The following NDEL1 variants were observed in gnomAD, a reference collection of about 807,000 sequenced individuals.
NDEL1 encodes the protein nudE neurodevelopment protein 1 like 1, also known as nuclear distribution protein nudE-like 1.
NDEL1 carries 9 observed loss-of-function variants against 45.7 expected under a neutral mutation model. The ratio of observed to expected loss-of-function variants is 0.20; its 90% CI spans 0.12 to 0.34. The LOEUF is 0.34. NDEL1 is among the 10% of genes least tolerant of loss of function. NDEL1 has a pLI of 1.00. For missense variants in NDEL1, 306 were observed against 406.2 expected (o/e 0.75, Z 2.12); for synonymous variants, 133 against 158.6 (o/e 0.84, Z 1.21).
chr17:8,466,299 GTATA>G (rs749754101), intron 8 of NDEL1: 1 of 151,794 alleles, frequency 6.6e-6, no homozygotes, highest in Non-Finnish European at 1.5e-5. Context: ...GTTGGTGTGT[GTATA>G]TATATATGTG....
chr17:8,418,834 TC>T (rs1597511002), intron 1 of NDEL1, among the ~76,000 whole-genome samples: 1 of 126,380 alleles, frequency 7.9e-6, no homozygotes, highest in Non-Finnish European at 1.8e-5. Context: ...TCTCTCTCTC[TC>T]TTTCTCTTTC....
At position 8,467,039 on chromosome 17, in the gene NDEL1, G is replaced by GT; in HGVS notation, c.*17dup. ...CAGTGTGTGAGTGCCTAGCCTCCAG[G>GT]TGGGGGCTCCTGCCCTCCTCCAACA... On this transcript the variant is annotated 3_prime_UTR_variant, in exon 9 of 9. Coordinates refer to ENST00000334527, the MANE Select transcript of NDEL1 (RefSeq NM_030808.5). The surrounding 1 kb of genome is among the most constrained non-coding windows in gnomAD (Gnocchi z 6.3). 1 of 1,612,170 alleles carries GT rather than the reference G, an allele frequency of 6.2e-7. No individual in the cohort carries two copies. Among genetic ancestry groups the GT allele is most frequent in the Non-Finnish European group, 8.5e-7 (1 of 1,178,444 alleles).
chr17:8,419,933 C>A (rs576154013), intron 1 of NDEL1, among the ~76,000 whole-genome samples: 17 of 152,256 alleles, frequency 1.1e-4, no homozygotes, highest in African/African-American at 3.9e-4. Context: ...AATAAAGAAG[C>A]AGATCACCCG....
At chr17:8,447,881 A>G (rs975839674) in intron 4 of NDEL1, among the ~76,000 whole-genome samples, 3 of 146,330 alleles carry the variant, frequency 2.1e-5, no homozygotes, top group African/African-American at 5.0e-5. Context: ...GGTGACAGAT[A>G]TGTACATTCA....
upstream of NDEL1, among the ~76,000 whole-genome samples, chr17:8,432,851 T>C (rs992254376): frequency 4.6e-5 from 7 of 152,160 alleles, no homozygotes; most frequent in Non-Finnish European, 1.0e-4. Context: ...CTGATGAAGG[T>C]TTCCTGGGCA....
At chr17:8,446,984 A>G in intron 4 of NDEL1, 82 bp downstream of exon 4, 1 of 1,490,658 alleles carries the variant, frequency 6.7e-7, no homozygotes, top group Non-Finnish European at 9.0e-7. Flanking sequence ...CTTCCCCTAG[A>G]TCTTAGTCCC....
Position 8,457,127 on chromosome 17 carries a change from G to T in NDEL1, c.792+2240G>T, listed in dbSNP as rs1246805946. On this transcript the variant is annotated intron_variant, in intron 7 of 8. Transcript: ENST00000334527. ...TTCGTATTGTAGCTGACTGTACGCT[G>T]CTTTCTTTTCCTAGCATTTCTGTTT... 2.0e-5 allele frequency among the ~76,000 whole-genome samples: 3 copies of T among 152,200 alleles called. No individual in the cohort carries two copies. In the East Asian group the frequency reaches 5.8e-4, roughly 29 times the overall value.
chr17:8,434,436 C>T (rs1421646860), upstream of NDEL1, among the ~76,000 whole-genome samples: 1 of 151,958 alleles, frequency 6.6e-6, no homozygotes, highest in African/African-American at 2.4e-5. Context: ...AGGCTGGTCT[C>T]GAAGTCCTGG....
chr17:8,459,376 C>A (rs1911054278), intron 7 of NDEL1, among the ~76,000 whole-genome samples: 1 of 152,118 alleles, frequency 6.6e-6, no homozygotes, highest in Non-Finnish European at 1.5e-5. Flanking sequence ...AGGTGCAAAA[C>A]AAGGGTGCCC....
downstream of NDEL1, among the ~76,000 whole-genome samples, chr17:8,473,065 A>T (rs1020581623): frequency 1.3e-5 from 2 of 152,210 alleles, no homozygotes; most frequent in African/African-American, 4.8e-5. Context: ...CCTTTTAGTT[A>T]TTAAATAGTA....
downstream of NDEL1, among the ~76,000 whole-genome samples, chr17:8,472,786 A>G (rs1001965358): frequency 6.6e-6 from 1 of 152,254 alleles, no homozygotes; most frequent in Non-Finnish European, 1.5e-5. Context: ...GCAAGGGCAG[A>G]GCGCTTATGG....
At chr17:8,461,217 A>G (rs1001607047) in intron 8 of NDEL1, 3 of 152,196 alleles carry the variant, frequency 2.0e-5, no homozygotes, top group Non-Finnish European at 4.4e-5. Flanking sequence ...ATTATGGCAC[A>G]TGTGTAAAGG....
At chr17:8,471,098 T>C (rs1296971076), downstream of NDEL1, among the ~76,000 whole-genome samples, 4 of 152,234 alleles carry the variant, frequency 2.6e-5, no homozygotes, top group Non-Finnish European at 5.9e-5. Flanking sequence ...CAGATTCCAG[T>C]GAGGCTCCAC....
chr17:8,422,744 C>CT (rs1555556063), intron 1 of NDEL1, among the ~76,000 whole-genome samples: 26 of 147,452 alleles, frequency 1.8e-4, no homozygotes, highest in East Asian at 6.1e-4. Flanking sequence ...TTTCCTTTTC[C>CT]TTTTTTTTTT....
intron 4 of NDEL1, among the ~76,000 whole-genome samples, chr17:8,447,516 T>C (rs939510815): frequency 1.3e-5 from 2 of 152,218 alleles, no homozygotes; most frequent in African/African-American, 4.8e-5. Context: ...CTCTTAACAC[T>C]TCCATACTTC....
intron 4 of NDEL1, 37 bp downstream of exon 4, chr17:8,446,939 C>T (rs769351619): frequency 1.3e-5 from 21 of 1,595,726 alleles, no homozygotes; most frequent in Non-Finnish European, 1.8e-5. Context: ...AAAAAAACCA[C>T]CTTGGTAATT....
intron 1 of NDEL1, among the ~76,000 whole-genome samples, chr17:8,428,812 T>C (rs1460861471): frequency 6.6e-6 from 1 of 152,128 alleles, no homozygotes; most frequent in Non-Finnish European, 1.5e-5. Flanking sequence ...TAGCTGGGAC[T>C]ACGGGCTCCT....
At chr17:8,443,661 C>T (rs973165743) in intron 1 of NDEL1, among the ~76,000 whole-genome samples, 6 of 151,988 alleles carry the variant, frequency 3.9e-5, no homozygotes, top group African/African-American at 1.5e-4. Context: ...AGAGAAGAAC[C>T]AGGATGAGAG....
chr17:8,460,261 A>G (rs1911114604), intron 8 of NDEL1, 101 bp downstream of exon 8: 1 of 1,249,520 alleles, frequency 8.0e-7, no homozygotes, highest in South Asian at 1.5e-5. Flanking sequence ...CAGCTTGACA[A>G]ACCTTCCCGA....
Sources: gnomAD v4.1 joint callset for allele counts (sites outside exome capture counted in the v4.1 genomes callset) on GRCh38, gnomAD v4.1.1 for gene constraint, Gnocchi (gnomAD v3.1) non-coding constraint, MANE v1.5 for transcripts, NCBI Gene and HGNC (gene_info 2026-07-23, HGNC 2026-07-21) for gene names.